Variants in PRRX1 observed in about 807,000 individuals in gnomAD.
PRRX1 encodes paired related homeobox 1.
A neutral mutation model predicts 24.0 loss-of-function variants in PRRX1; 8 were observed. That is an observed-to-expected ratio of 0.33 (90% confidence interval 0.20 to 0.60). The LOEUF is 0.60. Among genes scored for constraint, PRRX1 ranks in the 20% least tolerant of loss-of-function variants. PRRX1 has a pLI of 0.82. For missense variants in PRRX1, 281 were observed against 322.4 expected (o/e 0.87, Z 0.98); for synonymous variants, 160 against 131.7 (o/e 1.22, Z -1.47).
intron 1 of PRRX1, among the ~76,000 whole-genome samples, chr1:170,693,015 C>T (rs1322331163): frequency 6.6e-6 from 1 of 152,056 alleles, no homozygotes; most frequent in Non-Finnish European, 1.5e-5. Flanking sequence ...TCTTGATTCA[C>T]TTCCAACCCA....
intron 2 of PRRX1, among the ~76,000 whole-genome samples, chr1:170,720,465 G>T (rs1044846712): frequency 6.6e-6 from 1 of 152,108 alleles, no homozygotes; most frequent in African/African-American, 2.4e-5. Context: ...AATAATCCTT[G>T]CTACAGGTTC....
intron 1 of PRRX1, chr1:170,668,584 C>T (rs1042271826): frequency 3.9e-5 from 6 of 152,196 alleles, no homozygotes; most frequent in Non-Finnish European, 8.8e-5. Flanking sequence ...GGTGTAAACG[C>T]AGCGCAAAGG....
At chr1:170,689,982 T>C (rs1358987328) in intron 1 of PRRX1, among the ~76,000 whole-genome samples, 1 of 151,738 alleles carries the variant, frequency 6.6e-6, no homozygotes, top group Non-Finnish European at 1.5e-5. Context: ...AAGACTGGAT[T>C]GGCATTCCTC....
At chr1:170,678,308 C>T (rs948258092) in intron 1 of PRRX1, among the ~76,000 whole-genome samples, 1 of 152,194 alleles carries the variant, frequency 6.6e-6, no homozygotes, top group Non-Finnish European at 1.5e-5. Flanking sequence ...GCCAAGCAAT[C>T]AACAATTAAA....
At chr1:170,709,758 A>G (rs1654686110) in intron 1 of PRRX1, among the ~76,000 whole-genome samples, 1 of 152,154 alleles carries the variant, frequency 6.6e-6, no homozygotes, top group Non-Finnish European at 1.5e-5. Context: ...GAATAAAGTG[A>G]TAGGGAGGAT....
At chr1:170,692,144 T>A (rs1455581937) in intron 1 of PRRX1, among the ~76,000 whole-genome samples, 4 of 152,082 alleles carry the variant, frequency 2.6e-5, no homozygotes, top group Non-Finnish European at 5.9e-5. Context: ...AAGTTGTTTT[T>A]ATCCTGGCAG....
At chr1:170,693,666 A>G (rs946475813) in intron 1 of PRRX1, among the ~76,000 whole-genome samples, 7 of 152,126 alleles carry the variant, frequency 4.6e-5, no homozygotes, top group African/African-American at 1.7e-4. Flanking sequence ...AAGAAATTTG[A>G]TAGTGTGGAT....
At chr1:170,674,614 G>A (rs187175233) in intron 1 of PRRX1, among the ~76,000 whole-genome samples, 80 of 151,948 alleles carry the variant, frequency 5.3e-4, no homozygotes, top group Non-Finnish European at 9.6e-4. Context: ...GAGACTTTTG[G>A]GGAAAAGGTG....
chr1:170,708,155 G>A (rs1314059047), intron 1 of PRRX1, among the ~76,000 whole-genome samples: 2 of 152,110 alleles, frequency 1.3e-5, no homozygotes, highest in African/African-American at 2.4e-5. Flanking sequence ...GGAAGTGCTG[G>A]TCACGACATG....
intron 1 of PRRX1, chr1:170,669,369 A>C (rs1033891264): frequency 6.9e-6 from 1 of 144,974 alleles, no homozygotes; most frequent in South Asian, 2.3e-4. Context: ...ATTTTACAAC[A>C]CGAGCGAATA....
intron 2 of PRRX1, among the ~76,000 whole-genome samples, chr1:170,725,178 G>T (rs1023309184): frequency 6.6e-6 from 1 of 151,166 alleles, no homozygotes; most frequent in Non-Finnish European, 1.5e-5. Flanking sequence ...AGAAGTTTTT[G>T]GGGTGAGACG....
At chr1:170,677,256 T>C (rs1376224240) in intron 1 of PRRX1, among the ~76,000 whole-genome samples, 1 of 152,264 alleles carries the variant, frequency 6.6e-6, no homozygotes, top group Non-Finnish European at 1.5e-5. Flanking sequence ...TGTGTCTCAA[T>C]TTCCTCATCT....
At chr1:170,683,290 G>A (rs1211048556) in intron 1 of PRRX1, among the ~76,000 whole-genome samples, 2 of 152,230 alleles carry the variant, frequency 1.3e-5, no homozygotes, top group Non-Finnish European at 1.5e-5. Context: ...CTGTATGGGT[G>A]AGGATAGAGC....
Position 170,733,641 on chromosome 1 carries a change from G to T in PRRX1, c.600-2407G>T, listed in dbSNP as rs118014821. Reference sequence around the variant, plus strand: ...CTATGTGTTTACAATTTCACTAATTGTGCATCATCTTTAGGGCTTAATTCT... The same window carrying T: ...CTATGTGTTTACAATTTCACTAATTTTGCATCATCTTTAGGGCTTAATTCT... On this transcript the variant is annotated intron_variant, in intron 3 of 3. Transcript: ENST00000239461. Among the ~76,000 whole-genome samples the T allele has an allele frequency of 1.1e-4, 16 of 152,118 alleles. No individual in the cohort carries two copies. The East Asian group carries it at 3.1e-3, about 29-fold the overall frequency.
chr1:170,715,274 C>T lies in PRRX1; in HGVS notation c.242-4452C>T, dbSNP rs1461204964. Among the ~76,000 whole-genome samples, 11 of 152,256 alleles carry T rather than the reference C, an allele frequency of 7.2e-5. No individual in the cohort carries two copies. In the East Asian group the frequency reaches 1.9e-3, roughly 27 times the overall value. On this transcript the variant is annotated intron_variant, in intron 1 of 3. Transcript: ENST00000239461. ...GTCCTTTAAAACTTTAAATAAATCACTAAAATTCTAATATTGTGGGACTGC... is the reference window on the plus strand; with the variant it reads ...GTCCTTTAAAACTTTAAATAAATCATTAAAATTCTAATATTGTGGGACTGC...
intron 1 of PRRX1, among the ~76,000 whole-genome samples, chr1:170,672,400 C>G (rs551081592): frequency 6.6e-6 from 1 of 152,304 alleles, no homozygotes; most frequent in South Asian, 2.1e-4. Context: ...TCACTAGAAA[C>G]AGGAGCACAA....
chr1:170,711,148 C>A (rs945557749), intron 1 of PRRX1, among the ~76,000 whole-genome samples: 1 of 152,000 alleles, frequency 6.6e-6, no homozygotes, highest in African/African-American at 2.4e-5. Flanking sequence ...TTATTTTGAC[C>A]ATTTTAGCAT....
At chr1:170,691,960 C>T (rs901198324) in intron 1 of PRRX1, among the ~76,000 whole-genome samples, 6 of 152,000 alleles carry the variant, frequency 3.9e-5, no homozygotes, top group African/African-American at 1.4e-4. Context: ...ATATTTAATG[C>T]ACAGTTATTG....
Position 170,727,165 on chromosome 1 carries a change from AC to A in PRRX1, c.599+765del, listed in dbSNP as rs980906852. ...AAAAGGAATGTATAATTTACACTAA[AC>A]TTTTATATTAAAAAGTTGAACATTT... On this transcript the variant is annotated intron_variant, in intron 3 of 3. Transcript: ENST00000239461. The A allele has an allele frequency of 9.4e-4, 143 of 152,256 alleles. 1 individual carries two copies. Among genetic ancestry groups the A allele is most frequent in the African/African-American group, 3.3e-3 (139 of 41,556 alleles). 9.4% of individuals were successfully genotyped at this position (152,256 alleles called of 1,614,324 possible).
Sources: allele counts gnomAD v4.1 joint callset (sites outside exome capture counted in the v4.1 genomes callset), GRCh38; gene constraint gnomAD v4.1.1; transcripts MANE v1.5; gene names NCBI Gene and HGNC (gene_info 2026-07-23, HGNC 2026-07-21).